The following CSMD1 variants were observed in gnomAD, a reference collection of about 807,000 sequenced individuals.
CSMD1 encodes CUB and sushi domain-containing protein 1.
Under a neutral mutation model 417.5 loss-of-function variants are expected in CSMD1, and 213 were observed. The observed-to-expected ratio is 0.51, with a 90% CI of 0.46 to 0.57. CSMD1 has a LOEUF of 0.57. Among genes scored for constraint, CSMD1 ranks in the 20% least tolerant of loss-of-function variants. The probability of loss-of-function intolerance (pLI) is 0.00; values close to 1 mark genes in which losing one functional copy is unlikely to be tolerated. For missense variants in CSMD1, 6,923 were observed against 4,529.7 expected (o/e 1.53, Z -15.17); for synonymous variants, 2,862 against 1,736.8 (o/e 1.65, Z -16.11).
chr8:3,355,944 C>G lies in CSMD1; in HGVS notation c.3304+3208G>C, dbSNP rs117862386. ...ACCCAAGGAATACATGATACTATTT[C>G]TATCATCCTAAATGCATCATCAGGT... On this transcript the variant is annotated intron_variant, in intron 21 of 69. Coordinates refer to ENST00000635120, the MANE Select transcript of CSMD1 (RefSeq NM_033225.6). Among the ~76,000 whole-genome samples, 3 of 152,106 alleles carry G rather than the reference C, an allele frequency of 2.0e-5. No homozygotes were observed. The East Asian group carries it at 5.8e-4, about 29-fold the overall frequency.
At chr8:3,629,820 G>T (rs1159702273) in intron 7 of CSMD1, among the ~76,000 whole-genome samples, 6 of 152,144 alleles carry the variant, frequency 3.9e-5, no homozygotes, top group African/African-American at 1.2e-4. Flanking sequence ...CATAACTTCG[G>T]TCCGTCAGAA....
At chr8:4,694,542 T>A (rs1269739938) in intron 1 of CSMD1, among the ~76,000 whole-genome samples, 1 of 151,842 alleles carries the variant, frequency 6.6e-6, no homozygotes, top group Non-Finnish European at 1.5e-5. Context: ...GGGGGGTATT[T>A]TTAGTAGAGA....
At chr8:3,243,662 T>A (rs936832709) in intron 26 of CSMD1, among the ~76,000 whole-genome samples, 2 of 152,016 alleles carry the variant, frequency 1.3e-5, no homozygotes, top group Non-Finnish European at 2.9e-5. Context: ...GATGTGTACA[T>A]GCAGGTCACA....
At chr8:3,357,280 C>A (rs906499340) in intron 21 of CSMD1, among the ~76,000 whole-genome samples, 3 of 152,210 alleles carry the variant, frequency 2.0e-5, no homozygotes, top group Non-Finnish European at 4.4e-5. Flanking sequence ...GGCTGAGTTG[C>A]AGGCTCCCTG....
At chr8:3,617,649 C>T (rs1363892127) in intron 7 of CSMD1, among the ~76,000 whole-genome samples, 1 of 152,042 alleles carries the variant, frequency 6.6e-6, no homozygotes, top group Non-Finnish European at 1.5e-5. Flanking sequence ...ACTATTGCTG[C>T]CATTTTCCTA....
At chr8:3,849,449 C>G (rs1389849980) in intron 5 of CSMD1, among the ~76,000 whole-genome samples, 1 of 152,176 alleles carries the variant, frequency 6.6e-6, no homozygotes, top group Non-Finnish European at 1.5e-5. Context: ...CCTGCTCCTT[C>G]TGGCGGTTAC....
At position 3,795,326 on chromosome 8, in the gene CSMD1, G is replaced by GATATATATCTATCATGTAGATATAGATAT. The variant is rs1439945308; in HGVS notation, c.819-41285_819-41284insATATCTATATCTACATGATAGATATATAT. 1.8e-4 allele frequency among the ~76,000 whole-genome samples: 4 copies of GATATATATCTATCATGTAGATATAGATAT among 22,622 alleles called. 2 individuals carry two copies. Among genetic ancestry groups the GATATATATCTATCATGTAGATATAGATAT allele is most frequent in the Admixed American group, 9.7e-4 (2 of 2,054 alleles). The allele number at this position is 22,622 out of a possible 152,430, so 14.8% of individuals were successfully genotyped here. A position where few individuals can be genotyped will look rare whatever the true frequency, so the allele number is the denominator to read the frequency against. On this transcript the variant is annotated intron_variant, in intron 5 of 69. Transcript: ENST00000635120. The stretch of plus-strand genomic sequence containing the variant: ...TATATATCTATCATGTACAGATATA[G>GATATATATCTATCATGTAGATATAGATAT]ATATCTATCATGTAGATATAGATAT...
intron 1 of CSMD1, among the ~76,000 whole-genome samples, chr8:4,820,495 T>C (rs1799461980): frequency 6.6e-6 from 1 of 152,036 alleles, no homozygotes; most frequent in Non-Finnish European, 1.5e-5. Flanking sequence ...CAAAGAGCCA[T>C]AAGGAAATGG....
chr8:3,552,290 T>A lies in CSMD1; in HGVS notation c.1344+22655A>T, dbSNP rs560982710. 3.3e-5 allele frequency among the ~76,000 whole-genome samples: 5 copies of A among 151,934 alleles called. No homozygotes were observed. The East Asian group carries it at 5.8e-4, about 18-fold the overall frequency. ...GCTTGAATACTAATCTAAATATGCA[T>A]CATCCACATGGCATGAAAAAATAAG... On this transcript the variant is annotated intron_variant, in intron 10 of 69. Coordinates refer to ENST00000635120, the MANE Select transcript of CSMD1 (RefSeq NM_033225.6).
intron 24 of CSMD1, 93 bp downstream of exon 24, chr8:3,308,216 TTCC>T (rs1805039068): frequency 1.1e-6 from 1 of 922,014 alleles, no homozygotes; most frequent in Non-Finnish European, 1.6e-6. Context: ...TGTGATAAAA[TTCC>T]TCCTCTTTTC....
Position 3,951,975 on chromosome 8 carries a change from T to C in CSMD1, c.818+45928A>G, listed in dbSNP as rs568171021. On this transcript the variant is annotated intron_variant, in intron 5 of 69. Transcript: ENST00000635120. ...ATTATGAAAGTAATAATAAAGGAAATTTTCCCTGATTACACTTGGAACAAC... is the reference window on the plus strand; with the variant it reads ...ATTATGAAAGTAATAATAAAGGAAACTTTCCCTGATTACACTTGGAACAAC... Among the ~76,000 whole-genome samples the C allele has an allele frequency of 3.9e-5, 6 of 152,070 alleles. No individual in the cohort carries two copies. The East Asian group carries it at 9.7e-4, about 25-fold the overall frequency.
chr8:4,461,677 T>G (rs1050191639), intron 2 of CSMD1, among the ~76,000 whole-genome samples: 4 of 150,942 alleles, frequency 2.7e-5, no homozygotes, highest in African/African-American at 9.8e-5. Context: ...CAGCCTGCTG[T>G]ATAGCTGGGG....
At chr8:3,527,380 T>C (rs901349059) in intron 10 of CSMD1, among the ~76,000 whole-genome samples, 2 of 152,158 alleles carry the variant, frequency 1.3e-5, no homozygotes, top group African/African-American at 4.8e-5. Flanking sequence ...TGATTTCGTT[T>C]GTATAACATT....
At chr8:3,489,967 T>C (rs1030247204) in intron 11 of CSMD1, among the ~76,000 whole-genome samples, 2 of 152,234 alleles carry the variant, frequency 1.3e-5, no homozygotes, top group East Asian at 3.9e-4. Context: ...GACTAGTATT[T>C]AAACTATTCC....
chr8:3,124,132 C>T (rs1248158455), intron 41 of CSMD1, among the ~76,000 whole-genome samples: 2 of 152,130 alleles, frequency 1.3e-5, no homozygotes, highest in Admixed American at 6.5e-5. Flanking sequence ...AACAATTATC[C>T]TGTGTGCGTG....
intron 1 of CSMD1, among the ~76,000 whole-genome samples, chr8:4,898,975 G>A (rs948306976): frequency 5.3e-5 from 8 of 152,060 alleles, no homozygotes; most frequent in South Asian, 2.1e-4. Flanking sequence ...TTAATATTAC[G>A]GTAATGATAT....
intron 2 of CSMD1, among the ~76,000 whole-genome samples, chr8:4,479,603 A>G (rs1365645236): frequency 6.6e-6 from 1 of 152,156 alleles, no homozygotes; most frequent in African/African-American, 2.4e-5. Flanking sequence ...CTGCTTTAAA[A>G]ATGACTTTCC....
Position 4,685,954 on chromosome 8 carries a change from T to C in CSMD1, c.86-48396A>G, listed in dbSNP as rs182304535. On this transcript the variant is annotated intron_variant, in intron 1 of 69. Transcript: ENST00000635120. ...ATCATCTTTAAAAGCACTGACGTTG[T>C]TATAAACACAAATAAAAACGGCAAA... Among the ~76,000 whole-genome samples the C allele has an allele frequency of 2.6e-3, 389 of 152,340 alleles. 5 individuals are homozygous for C. The highest frequency in any genetic ancestry group is 9.1e-3 in the African/African-American group (377 of 41,578).
chr8:4,742,343 G>C (rs973596292), intron 1 of CSMD1, among the ~76,000 whole-genome samples: 2 of 151,766 alleles, frequency 1.3e-5, no homozygotes, highest in Non-Finnish European at 2.9e-5. Flanking sequence ...GCTGAATTTT[G>C]AGAAGCACAT....
Sources: gnomAD v4.1 joint callset for allele counts (sites outside exome capture counted in the v4.1 genomes callset) on GRCh38, gnomAD v4.1.1 for gene constraint, MANE v1.5 for transcripts, NCBI Gene and HGNC (gene_info 2026-07-23, HGNC 2026-07-21) for gene names.